Variants in QNG1 observed in about 807,000 individuals in gnomAD.
QNG1 encodes Q-nucleotide N-glycosylase 1, also known as queuosine 5'-phosphate N-glycosylase/hydrolase.
At chr9:83,944,885 G>A in the QNG1 span, 11 of 1,613,790 alleles carry the variant, frequency 6.8e-6, no homozygotes, top group Non-Finnish European at 8.5e-6. Flanking sequence ...CAAACATGGT[G>A]ATACTGGAGA....
chr9:83,948,147 C>T, the QNG1 span, among the ~76,000 whole-genome samples: 1 of 148,726 alleles, frequency 6.7e-6, no homozygotes, highest in Non-Finnish European at 1.5e-5. Context: ...ATGTGAGGAG[C>T]GCCTCTGTCC....
the QNG1 span, among the ~76,000 whole-genome samples, chr9:83,949,834 C>T: frequency 4.0e-5 from 6 of 151,598 alleles, no homozygotes; most frequent in Non-Finnish European, 7.4e-5. Flanking sequence ...TACATAGCAA[C>T]CCACATGGAA....
At chr9:83,948,164 G>A in the QNG1 span, among the ~76,000 whole-genome samples, 4 of 133,674 alleles carry the variant, frequency 3.0e-5, no homozygotes, top group Admixed American at 1.5e-4. Context: ...GTCCGGCCGC[G>A]ACCCCGTCTG....
chr9:83,956,496 T>C, the QNG1 span: 1 of 1,521,906 alleles, frequency 6.6e-7, no homozygotes, highest in South Asian at 1.3e-5. Context: ...TAGGAGCCCG[T>C]CCATTCTGCC....
the QNG1 span, among the ~76,000 whole-genome samples, chr9:83,940,199 G>C: frequency 4.6e-5 from 7 of 152,238 alleles, no homozygotes; most frequent in African/African-American, 1.7e-4. Context: ...GAGCTCAGGA[G>C]TTCAAGACCA....
At chr9:83,955,136 T>C in the QNG1 span, among the ~76,000 whole-genome samples, 5,037 of 152,098 alleles carry the variant, frequency 0.033, 261 homozygotes, top group African/African-American at 0.11. Flanking sequence ...GAGGCAGAGG[T>C]TGCGGTGAGC....
the QNG1 span, among the ~76,000 whole-genome samples, chr9:83,946,106 A>T: frequency 6.6e-6 from 1 of 151,952 alleles, no homozygotes; most frequent in African/African-American, 2.4e-5. Context: ...GGAGTTCGAG[A>T]CCAGCCTGGC....
At chr9:83,942,994 A>G in the QNG1 span, among the ~76,000 whole-genome samples, 1 of 152,304 alleles carries the variant, frequency 6.6e-6, no homozygotes, top group Non-Finnish European at 1.5e-5. Flanking sequence ...TGGACAAATC[A>G]CTATAAGTGA....
chr9:83,953,903 AC>A, the QNG1 span: 3 of 1,133,958 alleles, frequency 2.6e-6, no homozygotes, highest in Non-Finnish European at 2.6e-6. Flanking sequence ...TTCAAGAAAT[AC>A]TTTTTTGAGA....
chr9:83,952,457 C>G, the QNG1 span, among the ~76,000 whole-genome samples: 1 of 151,902 alleles, frequency 6.6e-6, no homozygotes. Context: ...GTCAGGAGTT[C>G]AAGATCAGCC....
chr9:83,956,125 T>C, the QNG1 span: 3 of 1,597,622 alleles, frequency 1.9e-6, no homozygotes, highest in Non-Finnish European at 1.7e-6. Context: ...AATGGAAACC[T>C]CAAAGGCCGT....
At chr9:83,956,933 C>G in the QNG1 span, 1 of 156,734 alleles carries the variant, frequency 6.4e-6, no homozygotes, top group Non-Finnish European at 1.4e-5. Flanking sequence ...GACGGCGACT[C>G]GCCGCCTTGC....
chr9:83,944,667 C>T, the QNG1 span: 15 of 670,950 alleles, frequency 2.2e-5, no homozygotes, highest in Middle Eastern at 8.3e-4. Context: ...TTGCATTTTC[C>T]TTTTTACATA....
At chr9:83,947,929 C>T in the QNG1 span, among the ~76,000 whole-genome samples, 3 of 152,256 alleles carry the variant, frequency 2.0e-5, no homozygotes, top group African/African-American at 4.8e-5. Context: ...TCTGCCCGGC[C>T]GCCACCCCGT....
the QNG1 span, among the ~76,000 whole-genome samples, chr9:83,952,800 A>G: frequency 6.6e-6 from 1 of 150,914 alleles, no homozygotes; most frequent in African/African-American, 2.4e-5. Context: ...GTCTGAAAAA[A>G]AAAAAAAAAA....
chr9:83,950,849 C>T, the QNG1 span, among the ~76,000 whole-genome samples: 10 of 152,084 alleles, frequency 6.6e-5, no homozygotes, highest in Non-Finnish European at 1.2e-4. Flanking sequence ...GATCCACCCA[C>T]CTTGGCCTCC....
the QNG1 span, among the ~76,000 whole-genome samples, chr9:83,948,128 C>G: frequency 6.6e-6 from 1 of 151,658 alleles, no homozygotes; most frequent in Admixed American, 6.6e-5. Flanking sequence ...CCCCGCCGCC[C>G]CGTCTGGGAT....
the QNG1 span, among the ~76,000 whole-genome samples, chr9:83,941,463 T>C: frequency 6.6e-6 from 1 of 152,054 alleles, no homozygotes; most frequent in Admixed American, 6.6e-5. Flanking sequence ...GCACCTCTAG[T>C]AGCCCCAGCT....
the QNG1 span, chr9:83,944,911 C>T: frequency 6.2e-7 from 1 of 1,614,028 alleles, no homozygotes; most frequent in Middle Eastern, 1.6e-4. Flanking sequence ...TTGAAGCAGC[C>T]ATCTCCTTTT....
Sources: gnomAD v4.1 joint callset for allele counts (sites outside exome capture counted in the v4.1 genomes callset) on GRCh38, gnomAD v4.1.1 for gene constraint, MANE v1.5 for transcripts, NCBI Gene and HGNC (gene_info 2026-07-23, HGNC 2026-07-21) for gene names.